ZNF410: variants seen among roughly 807,000 people sequenced by gnomAD.
ZNF410 encodes zinc finger protein 410, also known as another partner for ARF 1.
A neutral mutation model predicts 54.8 loss-of-function variants in ZNF410; 18 were observed. The observed-to-expected ratio is 0.33, with a 90% CI of 0.23 to 0.49. ZNF410 has a LOEUF of 0.49. Among genes scored for constraint, ZNF410 ranks in the 20% least tolerant of loss-of-function variants. ZNF410 has a pLI of 0.99. For missense variants in ZNF410, 405 were observed against 569.6 expected, an observed-to-expected ratio of 0.71 and a Z score of 2.94; for synonymous variants, 191 against 207.3, an observed-to-expected ratio of 0.92 and a Z score of 0.68.
chr14:73,922,086 AGTT>A lies in ZNF410; in HGVS notation c.1151_1153del (p.Ser384_Leu385delinsMet). On this transcript the variant is annotated inframe_deletion, in exon 10 of 12. Coordinates refer to ENST00000555044, the MANE Select transcript of ZNF410 (RefSeq NM_021188.3). ...TGCAGCTGAGCCACTAATGGGCAGT[AGTT>A]TGCTTGAAGAGGCTTCAGTACCCAG... 6.2e-7 allele frequency: 1 copy of A among 1,614,168 alleles called. No homozygotes were observed. The highest frequency in any genetic ancestry group is 1.7e-4 in the Middle Eastern group (1 of 6,046).
intron 1 of ZNF410, 67 bp from the exon 2 acceptor site, chr14:73,891,960 G>A: frequency 1.5e-6 from 1 of 673,840 alleles, no homozygotes; most frequent in Non-Finnish European, 2.7e-6. Context: ...GTAAAGAAGT[G>A]TCTTTATGTA....
At chr14:73,905,968 C>CATATATAT (rs375039083) in intron 7 of ZNF410, among the ~76,000 whole-genome samples, 1,510 of 78,768 alleles carry the variant, frequency 0.019, 33 homozygotes, top group South Asian at 0.057. Flanking sequence ...CACACACACA[C>CATATATAT]ATATATATAT....
At chr14:73,913,715 C>T (rs1489499663) in intron 8 of ZNF410, 2 of 152,250 alleles carry the variant, frequency 1.3e-5, no homozygotes, top group Admixed American at 1.3e-4. Context: ...CTCCTGTTCT[C>T]CGTATCAGTC....
chr14:73,909,529 G>C, intron 8 of ZNF410, 99 bp downstream of exon 8: 1 of 915,006 alleles, frequency 1.1e-6, no homozygotes, highest in East Asian at 2.5e-5. Context: ...GAAACAAACT[G>C]TTCACTATAA....
chr14:73,919,410 A>G (rs994701342), intron 8 of ZNF410, among the ~76,000 whole-genome samples: 3 of 152,140 alleles, frequency 2.0e-5, no homozygotes, highest in Non-Finnish European at 4.4e-5. Flanking sequence ...CAGTGAACAT[A>G]GTACCTGATA....
At chr14:73,927,856 T>TTTTA (rs1260477920) in intron 11 of ZNF410, 1 of 154,138 alleles carries the variant, frequency 6.5e-6, no homozygotes, top group Non-Finnish European at 1.4e-5. Context: ...TTTAATTTTT[T>TTTTA]AGACGGAGTC....
intron 10 of ZNF410, among the ~76,000 whole-genome samples, chr14:73,923,191 G>A (rs994169015): frequency 6.6e-6 from 1 of 152,136 alleles, no homozygotes; most frequent in Non-Finnish European, 1.5e-5. Context: ...CCTGTATTAA[G>A]ATTTCTTGCC....
chr14:73,908,753 G>A (rs1374772905), intron 7 of ZNF410, among the ~76,000 whole-genome samples: 4 of 152,130 alleles, frequency 2.6e-5, no homozygotes, highest in Non-Finnish European at 5.9e-5. Context: ...CTGCAACGGA[G>A]CACTTTTTTT....
intron 8 of ZNF410, among the ~76,000 whole-genome samples, chr14:73,918,712 T>C (rs1162687720): frequency 4.5e-5 from 4 of 88,836 alleles, no homozygotes; most frequent in South Asian, 3.5e-4. Context: ...TTTTTTTTTT[T>C]TTCCCCTAAA....
At chr14:73,890,651 C>T (rs1182555686) in intron 1 of ZNF410, among the ~76,000 whole-genome samples, 1 of 152,026 alleles carries the variant, frequency 6.6e-6, no homozygotes, top group Non-Finnish European at 1.5e-5. Context: ...AACAATTGTA[C>T]AAAATAAAAT....
intron 2 of ZNF410, 147 bp from the exon 3 acceptor site, chr14:73,893,650 A>G (rs757323115): frequency 2.3e-5 from 21 of 908,910 alleles, no homozygotes; most frequent in Non-Finnish European, 3.2e-5. Context: ...AACTTGATAA[A>G]ATAACTTTAG....
Position 73,931,812 on chromosome 14 carries a change from C to CA in ZNF410, c.*275dup. On this transcript the variant is annotated 3_prime_UTR_variant, in exon 12 of 12. Transcript: ENST00000555044. The stretch of plus-strand genomic sequence containing the variant: ...CCCACTGCAAATTTCTGGGATAGAC[C>CA]AAAAGTGAATTTGATTATGTGTTGG... The CA allele has an allele frequency of 2.1e-6, 1 of 476,678 alleles. No homozygotes were observed. Among genetic ancestry groups the CA allele is most frequent in the Middle Eastern group, 3.1e-4 (1 of 3,178 alleles). The allele number at this position is 476,678 out of a possible 1,614,324, so 29.5% of individuals were successfully genotyped here.
At position 73,886,878 on chromosome 14, in the gene ZNF410, G is replaced by A. The variant is rs1242277828; in HGVS notation, c.-187G>A. On this transcript the variant is annotated 5_prime_UTR_variant, in exon 1 of 12. Transcript: ENST00000555044. Reference sequence around the variant, plus strand: ...GACGCTGTGTGTGGACGGAATTCGGGACCGACTGACGGCCGGCCGGCTTCC... The same window carrying A: ...GACGCTGTGTGTGGACGGAATTCGGAACCGACTGACGGCCGGCCGGCTTCC... The A allele has an allele frequency of 2.6e-5, 4 of 152,864 alleles. No homozygotes were observed. The highest frequency in any genetic ancestry group is 1.9e-4 in the East Asian group (1 of 5,198). The allele number at this position is 152,864 out of a possible 1,614,324, so 9.5% of individuals were successfully genotyped here. A position where few individuals can be genotyped will look rare whatever the true frequency, so the allele number is the denominator to read the frequency against.
At chr14:73,904,142 T>G in intron 6 of ZNF410, 32 bp downstream of exon 6, 3 of 1,592,004 alleles carry the variant, frequency 1.9e-6, no homozygotes, top group Non-Finnish European at 2.6e-6. Flanking sequence ...TATTTGGATA[T>G]ACGTTGATGC....
At chr14:73,890,513 C>G (rs2055212769) in intron 1 of ZNF410, among the ~76,000 whole-genome samples, 1 of 152,110 alleles carries the variant, frequency 6.6e-6, no homozygotes, top group Admixed American at 6.6e-5. Flanking sequence ...TAAAGTCTGT[C>G]TTGTTCTACC....
At chr14:73,905,161 A>T in intron 7 of ZNF410, 78 bp downstream of exon 7, 1 of 1,462,184 alleles carries the variant, frequency 6.8e-7, no homozygotes, top group Non-Finnish European at 9.2e-7. Flanking sequence ...GAAAGACTCA[A>T]GTGGGAATAG....
At chr14:73,905,960 CACACACACATAT>C (rs2055479161) in intron 7 of ZNF410, among the ~76,000 whole-genome samples, 1 of 22,362 alleles carries the variant, frequency 4.5e-5, no homozygotes, top group South Asian at 3.2e-3. Flanking sequence ...CACACACACA[CACACACACATAT>C]ATATATATAT....
Position 73,911,522 on chromosome 14 carries a change from G to C in ZNF410, c.1003+2092G>C, listed in dbSNP as rs149881476. Among the ~76,000 whole-genome samples the C allele has an allele frequency of 5.7e-3, 870 of 152,302 alleles. 7 individuals are homozygous for C. The highest frequency in any genetic ancestry group is 0.02 in the African/African-American group (829 of 41,560). The stretch of plus-strand genomic sequence containing the variant: ...AAGTTCTAAGCAGAGGTGGCAAACT[G>C]GTATCCTGTAGGCTAGATGTGGACT... On this transcript the variant is annotated intron_variant, in intron 8 of 11. Coordinates refer to ENST00000555044, the MANE Select transcript of ZNF410 (RefSeq NM_021188.3).
rs781322902 is a variant in ZNF410, at chr14:73,896,507, T to G, written c.361T>G (p.Phe121Val). ...QDLQPSDSTS[F>V]ILLNLTRAGL... ...TCTACAGCCAAGTGATAGCACTTCT[T>G]TTATTCTTCTTAACCTAACAAGAGC... is the stretch of plus-strand genomic sequence containing the variant. Residue 121 changes from phenylalanine to valine, a missense_variant, in exon 4 of 12, where the codon TTT (phenylalanine) becomes GTT (valine). This residue lies in a region of ZNF410 where 247 missense variants were observed against 342.8 expected (regional missense o/e 0.72). Coordinates refer to ENST00000555044, the MANE Select transcript of ZNF410 (RefSeq NM_021188.3). The G allele has an allele frequency of 6.2e-7, 1 of 1,614,222 alleles. No homozygotes were observed. The highest frequency in any genetic ancestry group is 8.5e-7 in the Non-Finnish European group (1 of 1,180,034).
Sources: gnomAD v4.1 joint callset for allele counts (sites outside exome capture counted in the v4.1 genomes callset) on GRCh38, gnomAD v4.1.1 for gene constraint, gnomAD v4.1.1 regional missense constraint, MANE v1.5 for transcripts, NCBI Gene and HGNC (gene_info 2026-07-23, HGNC 2026-07-21) for gene names.